NRG3: variants seen among roughly 807,000 people sequenced by gnomAD.
NRG3 encodes the protein pro-neuregulin-3, membrane-bound isoform.
Under a neutral mutation model 66.9 loss-of-function variants are expected in NRG3, and 31 were observed. The ratio of observed to expected loss-of-function variants is 0.46; its 90% CI spans 0.35 to 0.63. The LOEUF is 0.63. Among genes scored for constraint, NRG3 ranks in the 20% least tolerant of loss-of-function variants. The pLI, the probability that NRG3 is intolerant of heterozygous loss-of-function variation, is 0.00. For synonymous variants in NRG3, 393 were observed against 359.4 expected (o/e 1.09, Z -1.06); for missense variants, 910 against 878.9 (o/e 1.04, Z -0.45).
intron 4 of NRG3, among the ~76,000 whole-genome samples, chr10:82,878,796 T>A (rs1168815296): frequency 2.6e-5 from 4 of 152,120 alleles, no homozygotes; most frequent in Non-Finnish European, 5.9e-5. Context: ...AGCATACCAT[T>A]CCCCTGCATG....
intron 2 of NRG3, among the ~76,000 whole-genome samples, chr10:82,723,296 G>A (rs1185061048): frequency 2.0e-5 from 3 of 152,082 alleles, no homozygotes; most frequent in African/African-American, 7.2e-5. Context: ...GGCAACAATA[G>A]ACACTGGGGA....
intron 2 of NRG3, among the ~76,000 whole-genome samples, chr10:82,543,429 G>T (rs1474540835): frequency 6.6e-6 from 1 of 152,100 alleles, no homozygotes; most frequent in Non-Finnish European, 1.5e-5. Flanking sequence ...GAAAAAATAA[G>T]TATTGCTGTT....
chr10:82,495,493 A>G (rs1037901646), intron 2 of NRG3, among the ~76,000 whole-genome samples: 2 of 151,550 alleles, frequency 1.3e-5, no homozygotes, highest in African/African-American at 2.4e-5. Flanking sequence ...CATTTACCCA[A>G]CTAGGTCTCA....
chr10:82,540,115 T>A lies in NRG3; in HGVS notation c.953+181247T>A, dbSNP rs111448495. 4.4e-3 allele frequency among the ~76,000 whole-genome samples: 671 copies of A among 151,518 alleles called. 5 individuals are homozygous for A. The highest frequency in any genetic ancestry group is 0.016 in the African/African-American group (647 of 41,492). ...GAACTTGGCAGTAGGAGAAGTGGACTGCTGTTGCTGCTTTGTTTTTTTCAG... is the reference window on the plus strand; with the variant it reads ...GAACTTGGCAGTAGGAGAAGTGGACAGCTGTTGCTGCTTTGTTTTTTTCAG... On this transcript the variant is annotated intron_variant, in intron 2 of 8. Coordinates refer to ENST00000372141, the MANE Select transcript of NRG3 (RefSeq NM_001010848.4).
intron 1 of NRG3, among the ~76,000 whole-genome samples, chr10:81,936,381 G>A (rs531480703): frequency 1.3e-5 from 2 of 152,222 alleles, no homozygotes; most frequent in Admixed American, 6.5e-5. Flanking sequence ...AGGTGGGTCT[G>A]GAGAGGTAGC....
At chr10:82,612,720 G>T (rs987811460) in intron 2 of NRG3, among the ~76,000 whole-genome samples, 2 of 151,968 alleles carry the variant, frequency 1.3e-5, no homozygotes, top group Non-Finnish European at 2.9e-5. Flanking sequence ...TTTCTTCTTA[G>T]ATTTGCTACA....
In NRG3 at chr10:81,917,305, C is replaced by G. The variant is rs116014809; in HGVS notation, c.823+41142C>G. On this transcript the variant is annotated intron_variant, in intron 1 of 8. Transcript: ENST00000372141. ...GGCTCTCCCCAAACAATTTACACAT[C>G]TCTTGGTGCATAATAACCTTCTCTT... Among the ~76,000 whole-genome samples, 602 of 152,306 alleles carry G rather than the reference C, an allele frequency of 4.0e-3. 1 individual carries two copies. Among genetic ancestry groups the G allele is most frequent in the African/African-American group, 0.014 (563 of 41,576 alleles).
intron 2 of NRG3, among the ~76,000 whole-genome samples, chr10:82,445,798 C>T (rs1263617794): frequency 6.6e-6 from 1 of 152,160 alleles, no homozygotes; most frequent in Non-Finnish European, 1.5e-5. Flanking sequence ...TTTCATTCTC[C>T]AGAAGGCCAC....
chr10:82,460,459 A>G (rs1478517827), intron 2 of NRG3, among the ~76,000 whole-genome samples: 1 of 152,236 alleles, frequency 6.6e-6, no homozygotes, highest in East Asian at 1.9e-4. Flanking sequence ...TAAATTTATG[A>G]TGAATATTAT....
Position 81,947,326 on chromosome 10 carries a change from A to G in NRG3, c.823+71163A>G, listed in dbSNP as rs946807798. 7.2e-5 allele frequency among the ~76,000 whole-genome samples: 11 copies of G among 152,224 alleles called. 1 individual carries two copies. Among genetic ancestry groups the G allele is most frequent in the Admixed American group, 4.6e-4 (7 of 15,266 alleles). On this transcript the variant is annotated intron_variant, in intron 1 of 8. Coordinates refer to ENST00000372141, the MANE Select transcript of NRG3 (RefSeq NM_001010848.4). ...ATTCCATCAGCTCTCTAAAGACCTC[A>G]TTTCCAAATAAGATTGCATTCTAAG...
intron 1 of NRG3, among the ~76,000 whole-genome samples, chr10:82,279,039 G>T (rs566633181): frequency 7.9e-5 from 12 of 152,254 alleles, no homozygotes; most frequent in African/African-American, 2.9e-4. Context: ...TCATGGGACT[G>T]TGAGTTGTGT....
intron 1 of NRG3, among the ~76,000 whole-genome samples, chr10:81,953,516 C>T (rs959079990): frequency 5.3e-5 from 8 of 152,142 alleles, no homozygotes; most frequent in Admixed American, 1.3e-4. Flanking sequence ...TTGTGAATCA[C>T]CAAGTCCATC....
chr10:82,934,458 T>C (rs1847878415), intron 4 of NRG3, among the ~76,000 whole-genome samples: 1 of 152,212 alleles, frequency 6.6e-6, no homozygotes, highest in Non-Finnish European at 1.5e-5. Flanking sequence ...AGAGATTTGC[T>C]GCTTTTACTA....
intron 4 of NRG3, among the ~76,000 whole-genome samples, chr10:82,932,249 A>C (rs1847646661): frequency 6.6e-6 from 1 of 152,132 alleles, no homozygotes; most frequent in Admixed American, 6.5e-5. Flanking sequence ...TTCTGACCTC[A>C]CCGCTACACA....
intron 2 of NRG3, among the ~76,000 whole-genome samples, chr10:82,640,916 G>A (rs1013432129): frequency 4.1e-4 from 62 of 151,262 alleles, no homozygotes; most frequent in African/African-American, 1.4e-3. Flanking sequence ...AGGACAACTT[G>A]TACGATTTGA....
rs535122096 is a variant in NRG3 at position 82,240,307 on chromosome 10, A to T, written c.824-118432A>T. ...ATTGGTAAATTATATGCATTTGAATAAAAAAAATCATTAACAGACTTTTAT... is the reference window on the plus strand; with the variant it reads ...ATTGGTAAATTATATGCATTTGAATTAAAAAAATCATTAACAGACTTTTAT... On this transcript the variant is annotated intron_variant, in intron 1 of 8. Transcript: ENST00000372141. Among the ~76,000 whole-genome samples the T allele has an allele frequency of 6.6e-5, 10 of 152,092 alleles. No individual in the cohort carries two copies. The South Asian group carries it at 2.1e-3, about 32-fold the overall frequency.
intron 2 of NRG3, among the ~76,000 whole-genome samples, chr10:82,677,423 C>T (rs904286079): frequency 7.9e-5 from 12 of 152,226 alleles, no homozygotes; most frequent in African/African-American, 2.9e-4. Context: ...CAGTTTCAGA[C>T]TATGCACTTT....
chr10:82,026,834 A>C (rs1219779137), intron 1 of NRG3, among the ~76,000 whole-genome samples: 3 of 151,972 alleles, frequency 2.0e-5, no homozygotes, highest in African/African-American at 7.2e-5. Context: ...AGAAAACTAG[A>C]ATAGATTTTT....
chr10:82,498,890 C>A (rs1423521940), intron 2 of NRG3, among the ~76,000 whole-genome samples: 1 of 152,052 alleles, frequency 6.6e-6, no homozygotes. Context: ...GTGTATTATG[C>A]AGTAAATTTA....
Sources: allele counts gnomAD v4.1 joint callset (sites outside exome capture counted in the v4.1 genomes callset), GRCh38; gene constraint gnomAD v4.1.1; transcripts MANE v1.5; gene names NCBI Gene and HGNC (gene_info 2026-07-23, HGNC 2026-07-21).